FAM210A: variants seen among roughly 807,000 people sequenced by gnomAD.
FAM210A encodes the protein family with sequence similarity 210 member A.
FAM210A carries 13 observed loss-of-function variants against 25.3 expected under a neutral mutation model. The ratio of observed to expected loss-of-function variants is 0.51; its 90% CI spans 0.33 to 0.82. The LOEUF is 0.82. Ranked by LOEUF, FAM210A falls within the 40% of genes least tolerant of loss-of-function variation. FAM210A has a pLI of 0.02. For synonymous variants in FAM210A, 125 were observed against 118.7 expected (o/e 1.05, Z -0.35); for missense variants, 319 against 323.2 (o/e 0.99, Z 0.10).
At chr18:13,711,225 G>T (rs1471958738) in intron 1 of FAM210A, among the ~76,000 whole-genome samples, 2 of 152,084 alleles carry the variant, frequency 1.3e-5, no homozygotes, top group South Asian at 2.1e-4. Context: ...ACAAAAATTA[G>T]CCGGGCATCG....
At chr18:13,711,069 G>GTGTAACAGGC (rs1283895580) in intron 1 of FAM210A, among the ~76,000 whole-genome samples, 1 of 152,112 alleles carries the variant, frequency 6.6e-6, no homozygotes, top group Non-Finnish European at 1.5e-5. Context: ...TACCAGCGAA[G>GTGTAACAGGC]TGTCTTAAAA....
chr18:13,690,375 C>T (rs879808812), intron 1 of FAM210A, among the ~76,000 whole-genome samples: 4 of 152,212 alleles, frequency 2.6e-5, no homozygotes, highest in Admixed American at 2.0e-4. Context: ...CAGACTGAAA[C>T]ATCCCCATCT....
At chr18:13,717,009 G>C (rs1698711633) in intron 1 of FAM210A, among the ~76,000 whole-genome samples, 1 of 152,198 alleles carries the variant, frequency 6.6e-6, no homozygotes, top group African/African-American at 2.4e-5. Context: ...TCTGTTTGCG[G>C]ACTTCTTGTT....
At chr18:13,717,858 G>T (rs2043872898) in intron 1 of FAM210A, among the ~76,000 whole-genome samples, 1 of 152,152 alleles carries the variant, frequency 6.6e-6, no homozygotes, top group East Asian at 1.9e-4. Flanking sequence ...TAGCAGACTG[G>T]AGACAGAGTT....
At chr18:13,710,650 C>T (rs1568488311) in intron 1 of FAM210A, among the ~76,000 whole-genome samples, 1 of 152,102 alleles carries the variant, frequency 6.6e-6, no homozygotes, top group Non-Finnish European at 1.5e-5. Context: ...ATACTGACTC[C>T]ACCTGGACTT....
chr18:13,714,978 TA>T, intron 1 of FAM210A: 1 of 152,258 alleles, frequency 6.6e-6, no homozygotes, highest in Admixed American at 6.5e-5. Context: ...GTAGTATTAC[TA>T]GGTTAGTGAA....
chr18:13,666,270 A>C lies in FAM210A; in HGVS notation c.*210T>G. ...CTGCTTAATACTGCTACTGATGGCA[A>C]ATTCTTAAACTGGGTTCATTTCTTC... On this transcript the variant is annotated 3_prime_UTR_variant, in exon 4 of 4. Coordinates refer to ENST00000651643, the MANE Select transcript of FAM210A (RefSeq NM_152352.4). 1 of 545,334 alleles carries C rather than the reference A, an allele frequency of 1.8e-6. No individual in the cohort carries two copies. Among genetic ancestry groups the C allele is most frequent in the Non-Finnish European group, 3.3e-6 (1 of 305,974 alleles). 33.8% of individuals were successfully genotyped at this position (545,334 alleles called of 1,614,324 possible). A position where few individuals can be genotyped will look rare whatever the true frequency, so the allele number is the denominator to read the frequency against.
chr18:13,705,626 C>T (rs1275573325), intron 1 of FAM210A, among the ~76,000 whole-genome samples: 1 of 152,124 alleles, frequency 6.6e-6, no homozygotes, highest in African/African-American at 2.4e-5. Context: ...CGTGTGCCAC[C>T]ATGCCCAGCT....
At chr18:13,711,515 T>C (rs1433180110) in intron 1 of FAM210A, among the ~76,000 whole-genome samples, 1 of 152,214 alleles carries the variant, frequency 6.6e-6, no homozygotes, top group Non-Finnish European at 1.5e-5. Context: ...TTGATACCTT[T>C]TGGGCCTTTC....
intron 2 of FAM210A, among the ~76,000 whole-genome samples, chr18:13,678,296 T>C (rs1480146180): frequency 6.6e-6 from 1 of 152,120 alleles, no homozygotes; most frequent in African/African-American, 2.4e-5. Flanking sequence ...TTTTTTTTTT[T>C]AGATGGAGTT....
chr18:13,717,093 A>G (rs1466700478), intron 1 of FAM210A, among the ~76,000 whole-genome samples: 1 of 152,212 alleles, frequency 6.6e-6, no homozygotes, highest in African/African-American at 2.4e-5. Context: ...CAGCTTACTG[A>G]TGAAGCAAGG....
rs932727900 is a variant in FAM210A at position 13,681,969 on chromosome 18, G to C, written c.109C>G (p.Leu37Val). Residue 37 changes from leucine (L) to valine (V), a missense_variant, in exon 2 of 4, where the codon CTT (leucine) becomes GTT (valine). By Grantham distance (32) the Leu-to-Val change is conservative. Coordinates refer to ENST00000651643, the MANE Select transcript of FAM210A (RefSeq NM_152352.4). ...GHCQNVKGPL[L>V]LYNAESKVVL... is the part of the protein sequence containing the mutation. ...ACTTTGGATTCAGCATTGTATAAAA[G>C]TAAAGGTCCCTTTACATTTTGACAG... 1.2e-6 allele frequency: 2 copies of C among 1,613,992 alleles called. No individual in the cohort carries two copies. The highest frequency in any genetic ancestry group is 1.7e-6 in the Non-Finnish European group (2 of 1,180,032).
chr18:13,677,816 A>G (rs561966832), intron 2 of FAM210A, among the ~76,000 whole-genome samples: 59 of 152,278 alleles, frequency 3.9e-4, no homozygotes, highest in African/African-American at 1.3e-3. Context: ...GCCTAGATCT[A>G]TTATGATAAC....
At position 13,682,030 on chromosome 18, in the gene FAM210A, T is replaced by C. The variant is rs758549366; in HGVS notation, c.48A>G (p.Thr16=). 76 of 1,612,782 alleles carry C rather than the reference T, an allele frequency of 4.7e-5. No homozygotes were observed. The highest frequency in any genetic ancestry group is 6.2e-5 in the Non-Finnish European group (73 of 1,179,272). The change falls in exon 2 of 4, where the codon ACA becomes ACG. Residue 16 remains threonine, a synonymous_variant. Coordinates refer to ENST00000651643, the MANE Select transcript of FAM210A (RefSeq NM_152352.4). ...PRTVSRLARR[T]CLEPHNAGLF... Reference sequence around the variant, plus strand: ...GACCAGCATTATGTGGTTCCAAGCATGTCCTGCGTGCCAGTCGAGATACAG... The same window carrying C: ...GACCAGCATTATGTGGTTCCAAGCACGTCCTGCGTGCCAGTCGAGATACAG...
rs1380082581 is a variant in FAM210A at position 13,697,133 on chromosome 18, C to T, written c.-28-15028G>A. ...CCATCTAGGTTTGGGTAAGTATACC[C>T]TATGATGTTCTCACAATGACAAAAT... On this transcript the variant is annotated intron_variant, in intron 1 of 3. Coordinates refer to ENST00000651643, the MANE Select transcript of FAM210A (RefSeq NM_152352.4). 2.0e-5 allele frequency among the ~76,000 whole-genome samples: 3 copies of T among 152,174 alleles called. No homozygotes were observed. The South Asian group carries it at 6.2e-4, about 32-fold the overall frequency.
intron 1 of FAM210A, among the ~76,000 whole-genome samples, chr18:13,685,549 G>A (rs531166685): frequency 9.9e-5 from 15 of 152,078 alleles, no homozygotes; most frequent in African/African-American, 3.6e-4. Context: ...TTGATTCCAG[G>A]TCTTTAGATA....
chr18:13,713,987 C>A (rs2043841640), intron 1 of FAM210A, among the ~76,000 whole-genome samples: 1 of 152,138 alleles, frequency 6.6e-6, no homozygotes, highest in South Asian at 2.1e-4. Flanking sequence ...TCCAGGGGTA[C>A]GAACCAGGGG....
intron 3 of FAM210A, 139 bp downstream of exon 3, chr18:13,671,723 T>C (rs946188155): frequency 2.6e-5 from 13 of 502,396 alleles, no homozygotes; most frequent in Non-Finnish European, 4.3e-5. Context: ...TCTTACATTA[T>C]TCACCAGACA....
rs578187436 is a variant in FAM210A at position 13,671,497 on chromosome 18, A to G, written c.585+365T>C. Among the ~76,000 whole-genome samples, 5 of 152,292 alleles carry G rather than the reference A, an allele frequency of 3.3e-5. No homozygotes were observed. In the South Asian group the frequency reaches 1.0e-3, roughly 32 times the overall value. On this transcript the variant is annotated intron_variant, in intron 3 of 3. Transcript: ENST00000651643. ...ATTTGACCACAGGAAGTTATGAATG[A>G]TCTACCAATTTTTAAGGCATTTCTT...
Sources: allele counts gnomAD v4.1 joint callset (sites outside exome capture counted in the v4.1 genomes callset), GRCh38; gene constraint gnomAD v4.1.1; transcripts MANE v1.5; gene names NCBI Gene and HGNC (gene_info 2026-07-23, HGNC 2026-07-21).